CEP120: variants seen among roughly 807,000 people sequenced by gnomAD.
CEP120 encodes centrosomal protein 120.
CEP120 carries 113 observed loss-of-function variants against 126.5 expected under a neutral mutation model. The observed-to-expected ratio is 0.89, with a 90% CI of 0.77 to 1.04. The LOEUF (loss-of-function observed/expected upper bound fraction) is 1.04. CEP120 is among the 50% of genes least tolerant of loss of function. The probability of loss-of-function intolerance (pLI) is 0.00; values close to 1 mark genes in which losing one functional copy is unlikely to be tolerated. For synonymous variants in CEP120, 400 were observed against 394.3 expected (o/e 1.01, Z -0.17); for missense variants, 1,230 against 1,155.7 (o/e 1.06, Z -0.93).
Position 123,346,354 on chromosome 5 carries a change from ATAAAG to A in CEP120, c.*160_*164del. On this transcript the variant is annotated 3_prime_UTR_variant, in exon 20 of 20. Transcript: ENST00000306467. ...ATAAAACCAGTGTGGGAGAGGTAGC[ATAAAG>A]TAAATAAGATCAAATAAATACTATA... 1 of 505,418 alleles carries A rather than the reference ATAAAG, an allele frequency of 2.0e-6. No individual in the cohort carries two copies. The highest frequency in any genetic ancestry group is 3.4e-6 in the Non-Finnish European group (1 of 291,296). The allele number at this position is 505,418 out of a possible 1,614,324, so 31.3% of individuals were successfully genotyped here.
At position 123,418,475 on chromosome 5, in the gene CEP120, C is replaced by T; in HGVS notation, c.90G>A (p.Val30=). ...ACTGTTCTCCATCAAACTTTGCTTC[C>T]ACTACAAGCATATGCTTTGGACGTT... ...FPKRPKHMLV[V]EAKFDGEQLA... is the part of the protein sequence containing the mutation. The change falls in exon 2 of 20, where the codon GTG becomes GTA. Residue 30 remains valine (V), a synonymous_variant. Transcript: ENST00000306467. 1.2e-6 allele frequency: 2 copies of T among 1,611,278 alleles called. No individual in the cohort carries two copies.
chr5:123,376,636 G>C (rs1771245893), intron 16 of CEP120, among the ~76,000 whole-genome samples: 1 of 152,030 alleles, frequency 6.6e-6, no homozygotes, highest in South Asian at 2.1e-4. Flanking sequence ...CAGGTAGAAG[G>C]TCAAGTATGG....
chr5:123,419,021 T>G (rs1774551535), intron 1 of CEP120, among the ~76,000 whole-genome samples: 1 of 152,190 alleles, frequency 6.6e-6, no homozygotes, highest in African/African-American at 2.4e-5. Context: ...AAAGCTATAA[T>G]TTATAAATGT....
rs370840595 is a variant in CEP120 at position 123,382,827 on chromosome 5, G to A, written c.1923C>T (p.Ile641=). Residue 641 remains isoleucine (I), a synonymous_variant, in exon 13 of 20, where the codon ATC becomes ATT. Transcript: ENST00000306467. ...CTAACGTTTCACGAGGCTCTGTCTG[G>A]ATCTCTGAAGGACAAGGTGCTGGAG... ...SLPPAPCPSE[I]QTEPRETLEY... The A allele has an allele frequency of 5.2e-5, 84 of 1,613,424 alleles. 1 individual carries two copies. The South Asian group carries it at 8.5e-4, about 16-fold the overall frequency.
chr5:123,381,797 T>C (rs1190730084), intron 14 of CEP120, among the ~76,000 whole-genome samples: 1 of 151,968 alleles, frequency 6.6e-6, no homozygotes, highest in African/African-American at 2.4e-5. Flanking sequence ...GGTCTCACTA[T>C]GTTGTCCAGG....
At chr5:123,362,880 A>G (rs978740653) in intron 18 of CEP120, among the ~76,000 whole-genome samples, 1 of 151,642 alleles carries the variant, frequency 6.6e-6, no homozygotes, top group African/African-American at 2.4e-5. Context: ...GTAAAAATTA[A>G]AACATCCAAA....
At chr5:123,391,011 T>C (rs141379734) in intron 7 of CEP120, 99 bp downstream of exon 7, 69 of 796,572 alleles carry the variant, frequency 8.7e-5, no homozygotes, top group African/African-American at 8.2e-4. Flanking sequence ...GATTAATAAA[T>C]ATATCCTTAT....
At chr5:123,373,347 A>G (rs965863672) in intron 16 of CEP120, among the ~76,000 whole-genome samples, 2 of 152,080 alleles carry the variant, frequency 1.3e-5, no homozygotes. Flanking sequence ...AGGAAAAAGA[A>G]ACCAGAAAAA....
Position 123,352,325 on chromosome 5 carries a change from C to T in CEP120, c.2581-2236G>A, listed in dbSNP as rs570062827. Among the ~76,000 whole-genome samples, 10 of 152,028 alleles carry T rather than the reference C, an allele frequency of 6.6e-5. No individual in the cohort carries two copies. In the South Asian group the frequency reaches 1.7e-3, roughly 25 times the overall value. ...TTCTGTTTATTCCTTTTTGGTTAAC[C>T]GTGCTCTTTCCTATTTAAGACATTT... On this transcript the variant is annotated intron_variant, in intron 18 of 19. Transcript: ENST00000306467.
intron 4 of CEP120, among the ~76,000 whole-genome samples, chr5:123,406,407 C>T: frequency 7.4e-6 from 1 of 135,136 alleles, no homozygotes; most frequent in Non-Finnish European, 1.6e-5. Flanking sequence ...AAAAAAAAAA[C>T]TTGCTGCTAG....
chr5:123,361,385 A>C (rs1770068658), intron 18 of CEP120, among the ~76,000 whole-genome samples: 1 of 151,788 alleles, frequency 6.6e-6, no homozygotes, highest in Non-Finnish European at 1.5e-5. Context: ...TAGGTGAACA[A>C]CTGCTATATC....
At chr5:123,378,648 G>T (rs1771431363) in intron 14 of CEP120, among the ~76,000 whole-genome samples, 1 of 151,974 alleles carries the variant, frequency 6.6e-6, no homozygotes, top group African/African-American at 2.4e-5. Flanking sequence ...TCTTCTCCAA[G>T]ATAAACACAA....
intron 4 of CEP120, chr5:123,401,141 C>G: frequency 6.2e-7 from 1 of 1,606,832 alleles, no homozygotes. Context: ...CAGACTCCAG[C>G]CGGCTCTCCT....
intron 17 of CEP120, among the ~76,000 whole-genome samples, chr5:123,366,877 C>T (rs747774283): frequency 6.6e-6 from 1 of 151,858 alleles, no homozygotes; most frequent in Non-Finnish European, 1.5e-5. Flanking sequence ...CTTTCCTCAA[C>T]AGGAAACCTA....
chr5:123,416,405 A>T (rs980509763), intron 2 of CEP120, among the ~76,000 whole-genome samples: 10 of 151,180 alleles, frequency 6.6e-5, no homozygotes, highest in Non-Finnish European at 2.9e-5. Context: ...TACTAAAATT[A>T]AAAAAAACAA....
At chr5:123,365,487 T>C (rs948257364) in intron 17 of CEP120, among the ~76,000 whole-genome samples, 3 of 151,670 alleles carry the variant, frequency 2.0e-5, no homozygotes, top group Non-Finnish European at 4.4e-5. Context: ...GTTTTTCCCA[T>C]AAATATATGA....
chr5:123,387,557 A>G (rs541069216), intron 9 of CEP120, among the ~76,000 whole-genome samples: 1 of 152,286 alleles, frequency 6.6e-6, no homozygotes, highest in African/African-American at 2.4e-5. Flanking sequence ...ATGAAAATTT[A>G]TCAACAGAAA....
At position 123,418,450 on chromosome 5, in the gene CEP120, A is replaced by G. The variant is rs1271130699; in HGVS notation, c.115T>C (p.Leu39=). 1 of 1,612,356 alleles carries G rather than the reference A, an allele frequency of 6.2e-7. No individual in the cohort carries two copies. Among genetic ancestry groups the G allele is most frequent in the South Asian group, 1.1e-5 (1 of 90,954 alleles). The change falls in exon 2 of 20, where the codon TTG becomes CTG. Residue 39 remains leucine (L), a synonymous_variant. Coordinates refer to ENST00000306467, the MANE Select transcript of CEP120 (RefSeq NM_001375405.1). ...GTGTGGTCCACAGGATCAGTAGCCA[A>G]CTGTTCTCCATCAAACTTTGCTTCC... is the stretch of plus-strand genomic sequence containing the variant. The part of the protein sequence containing the change: ...VVEAKFDGEQ[L]ATDPVDHTDQ...
intron 18 of CEP120, among the ~76,000 whole-genome samples, chr5:123,357,718 A>G (rs1415503549): frequency 6.6e-6 from 1 of 152,116 alleles, no homozygotes; most frequent in African/African-American, 2.4e-5. Context: ...TGAATACACC[A>G]CTGCCCTCCA....
Sources: gnomAD v4.1 joint callset for allele counts (sites outside exome capture counted in the v4.1 genomes callset) on GRCh38, gnomAD v4.1.1 for gene constraint, MANE v1.5 for transcripts, NCBI Gene and HGNC (gene_info 2026-07-23, HGNC 2026-07-21) for gene names.